Variants in ATP8A2 observed in about 807,000 individuals in gnomAD.
ATP8A2 encodes the protein ATPase phospholipid transporting 8A2.
A neutral mutation model predicts 165.6 loss-of-function variants in ATP8A2; 100 were observed. The ratio of observed to expected loss-of-function variants is 0.60; its 90% CI spans 0.51 to 0.71. The LOEUF is 0.71. ATP8A2 is among the 30% of genes least tolerant of loss of function. The pLI is 0.00. For synonymous variants in ATP8A2, 543 were observed against 548.8 expected (o/e 0.99, Z 0.15); for missense variants, 1,227 against 1,479.5 (o/e 0.83, Z 2.80).
At chr13:25,437,983 G>T (rs868234358) in intron 1 of ATP8A2, among the ~76,000 whole-genome samples, 29 of 152,246 alleles carry the variant, frequency 1.9e-4, no homozygotes, top group African/African-American at 5.8e-4. Flanking sequence ...ACAACCTTTA[G>T]AAAACAACCC....
At chr13:25,950,424 T>C (rs1041608682) in intron 33 of ATP8A2, among the ~76,000 whole-genome samples, 3 of 152,132 alleles carry the variant, frequency 2.0e-5, no homozygotes, top group African/African-American at 7.2e-5. Context: ...AAAAATCAGG[T>C]AATAATTTGA....
rs948313665 is a variant in ATP8A2, at chr13:25,965,756, T to A, written c.3273-2819T>A. Among the ~76,000 whole-genome samples, 5 of 152,302 alleles carry A rather than the reference T, an allele frequency of 3.3e-5. No homozygotes were observed. In the East Asian group the frequency reaches 9.6e-4, roughly 29 times the overall value. On this transcript the variant is annotated intron_variant, in intron 34 of 36. Transcript: ENST00000381655. Reference sequence around the variant, plus strand: ...ACCCATTTGCTTTTATCTAGCTGTATCTCCTGTATTTTACTGTACATCAAC... The same window carrying A: ...ACCCATTTGCTTTTATCTAGCTGTAACTCCTGTATTTTACTGTACATCAAC...
rs918141107 is a variant in ATP8A2, at chr13:25,533,130, G to A, written c.467-143G>A. Reference sequence around the variant, plus strand: ...GTTGGTGTTCCATTTTGAGGGTGGGGGTGCTGATGTTATGCCATCATGGCT... The same window carrying A: ...GTTGGTGTTCCATTTTGAGGGTGGGAGTGCTGATGTTATGCCATCATGGCT... On this transcript the variant is annotated intron_variant, in intron 5 of 36. Transcript: ENST00000381655. 6.3e-6 allele frequency: 4 copies of A among 629,950 alleles called. No homozygotes were observed. In the East Asian group the frequency reaches 8.4e-5, roughly 13 times the overall value. The allele number at this position is 629,950 out of a possible 1,614,324, so 39.0% of individuals were successfully genotyped here. A position where few individuals can be genotyped will look rare whatever the true frequency, so the allele number is the denominator to read the frequency against.
intron 36 of ATP8A2, among the ~76,000 whole-genome samples, chr13:26,019,440 C>T (rs1401059699): frequency 6.6e-6 from 1 of 152,136 alleles, no homozygotes; most frequent in Non-Finnish European, 1.5e-5. Context: ...TGCATTTTGC[C>T]AGCTTGCACT....
chr13:25,619,026 T>C (rs762387300), intron 24 of ATP8A2, among the ~76,000 whole-genome samples: 4 of 152,146 alleles, frequency 2.6e-5, no homozygotes, highest in Non-Finnish European at 5.9e-5. Context: ...GATTGTTGAA[T>C]AAAATAGTTA....
intron 25 of ATP8A2, among the ~76,000 whole-genome samples, chr13:25,702,309 C>A (rs1348856957): frequency 1.3e-5 from 2 of 151,998 alleles, no homozygotes; most frequent in African/African-American, 4.8e-5. Context: ...TAAACTAAAA[C>A]AGTACTTTAG....
intron 35 of ATP8A2, among the ~76,000 whole-genome samples, chr13:25,997,182 TTCC>T (rs1333064657): frequency 6.6e-6 from 1 of 152,238 alleles, no homozygotes; most frequent in African/African-American, 2.4e-5. Context: ...TTTCTTAGTT[TTCC>T]TTCCATTCAA....
At position 25,523,824 on chromosome 13, in the gene ATP8A2, A is replaced by G. The variant is rs558561567; in HGVS notation, c.222-6175A>G. On this transcript the variant is annotated intron_variant, in intron 2 of 36. Coordinates refer to ENST00000381655, the MANE Select transcript of ATP8A2 (RefSeq NM_016529.6). ...TTTCAAAAATTCAAGTTTTTGTTTC[A>G]TTGATCTTTTGTACTTTTTTTAGTC... 4.6e-5 allele frequency among the ~76,000 whole-genome samples: 7 copies of G among 151,878 alleles called. No individual in the cohort carries two copies. The South Asian group carries it at 1.5e-3, about 32-fold the overall frequency.
intron 1 of ATP8A2, among the ~76,000 whole-genome samples, chr13:25,465,664 TTTC>T (rs2035616334): frequency 3.2e-4 from 1 of 3,082 alleles, no homozygotes; most frequent in African/African-American, 6.8e-4. Context: ...CTTGCAGAGT[TTTC>T]TTTCTTTCTT....
intron 1 of ATP8A2, among the ~76,000 whole-genome samples, chr13:25,457,044 C>T (rs959575686): frequency 7.2e-5 from 11 of 152,204 alleles, no homozygotes; most frequent in African/African-American, 2.6e-4. Flanking sequence ...TGTGTAGGGC[C>T]ACGTTCAAAG....
At chr13:25,595,819 A>G (rs1234615143) in intron 24 of ATP8A2, among the ~76,000 whole-genome samples, 2 of 152,092 alleles carry the variant, frequency 1.3e-5, no homozygotes, top group Non-Finnish European at 2.9e-5. Flanking sequence ...CCTCAGAGAG[A>G]GAGGAGGAGG....
intron 24 of ATP8A2, among the ~76,000 whole-genome samples, chr13:25,602,343 A>G (rs2040409663): frequency 2.0e-5 from 3 of 152,122 alleles, no homozygotes; most frequent in African/African-American, 7.2e-5. Context: ...TGTGTTGTGT[A>G]GGTGGTAAAG....
chr13:25,981,327 A>C (rs1452117541), intron 35 of ATP8A2, among the ~76,000 whole-genome samples: 1 of 152,268 alleles, frequency 6.6e-6, no homozygotes, highest in Middle Eastern at 3.2e-3. Flanking sequence ...ATCTCTTGTT[A>C]TGTGACTGAC....
chr13:25,680,349 TAAGGA>T (rs1178565297), intron 24 of ATP8A2, among the ~76,000 whole-genome samples: 1 of 152,146 alleles, frequency 6.6e-6, no homozygotes, highest in Non-Finnish European at 1.5e-5. Flanking sequence ...AGCTGTGTAC[TAAGGA>T]ATTGGCAGCC....
At chr13:25,486,017 C>CAT (rs1272518350) in intron 2 of ATP8A2, among the ~76,000 whole-genome samples, 1 of 152,180 alleles carries the variant, frequency 6.6e-6, no homozygotes, top group African/African-American at 2.4e-5. Context: ...TCCAGTACTC[C>CAT]ATATTAGTAT....
chr13:25,627,945 GA>G (rs2041144350), intron 24 of ATP8A2, among the ~76,000 whole-genome samples: 1 of 152,152 alleles, frequency 6.6e-6, no homozygotes, highest in Admixed American at 6.6e-5. Context: ...ACTTAACAAT[GA>G]AAATTTTACC....
At chr13:25,995,041 T>C (rs1226810273) in intron 35 of ATP8A2, among the ~76,000 whole-genome samples, 1 of 152,050 alleles carries the variant, frequency 6.6e-6, no homozygotes, top group South Asian at 2.1e-4. Flanking sequence ...TTATTTCAAA[T>C]TGTGTGAATT....
Position 26,012,886 on chromosome 13 carries a change from AGAG to A in ATP8A2, c.3469+268_3469+270del, listed in dbSNP as rs1021435146. 3.9e-5 allele frequency among the ~76,000 whole-genome samples: 6 copies of A among 152,184 alleles called. 1 individual carries two copies. Among genetic ancestry groups the A allele is most frequent in the Admixed American group, 1.3e-4 (2 of 15,278 alleles). ...TTATGATCCTTCCGTCAGCCTCCCA[AGAG>A]GAGTTTTTTAAGGTTGAAGCAGTAT... On this transcript the variant is annotated intron_variant, in intron 36 of 36. Transcript: ENST00000381655.
At chr13:25,485,059 C>A (rs1403544161) in intron 2 of ATP8A2, among the ~76,000 whole-genome samples, 1 of 152,178 alleles carries the variant, frequency 6.6e-6, no homozygotes, top group Non-Finnish European at 1.5e-5. Flanking sequence ...GTTACCTTTA[C>A]AAATTAGAAT....
Sources: allele counts gnomAD v4.1 joint callset (sites outside exome capture counted in the v4.1 genomes callset), GRCh38; gene constraint gnomAD v4.1.1; transcripts MANE v1.5; gene names NCBI Gene and HGNC (gene_info 2026-07-23, HGNC 2026-07-21).